Variants in CAMTA1 observed in about 807,000 individuals in gnomAD.
CAMTA1 encodes the protein calmodulin binding transcription activator 1, also known as calmodulin-binding transcription activator 1.
Under a neutral mutation model 170.9 loss-of-function variants are expected in CAMTA1, and 27 were observed. That is an observed-to-expected ratio of 0.16 (90% CI 0.12 to 0.22). The LOEUF is 0.22. CAMTA1 is among the 10% of genes least tolerant of loss of function. The pLI is 1.00. For synonymous variants in CAMTA1, 833 were observed against 891.5 expected, an observed-to-expected ratio of 0.93 and a Z score of 1.17; for missense variants, 1,619 against 2,217.2, an observed-to-expected ratio of 0.73 and a Z score of 5.42.
At chr1:7,218,823 A>AGTC (rs1387789828) in intron 4 of CAMTA1, among the ~76,000 whole-genome samples, 59 of 151,950 alleles carry the variant, frequency 3.9e-4, no homozygotes, top group African/African-American at 1.4e-3. Flanking sequence ...TGATGTTTAT[A>AGTC]GTGTCTCTTT....
At chr1:6,794,538 C>T (rs955015848) in intron 1 of CAMTA1, among the ~76,000 whole-genome samples, 1 of 152,046 alleles carries the variant, frequency 6.6e-6, no homozygotes, top group African/African-American at 2.4e-5. Flanking sequence ...CTACTTTAAG[C>T]CATATGAATG....
rs77716187 is a variant in CAMTA1, at chr1:7,570,475, G to A, written c.511-69925G>A. 2.0e-5 allele frequency among the ~76,000 whole-genome samples: 3 copies of A among 152,308 alleles called. No homozygotes were observed. The highest frequency in any genetic ancestry group is 6.5e-5 in the Admixed American group (1 of 15,306). On this transcript the variant is annotated intron_variant, in intron 6 of 22. Coordinates refer to ENST00000303635, the MANE Select transcript of CAMTA1 (RefSeq NM_015215.4). The surrounding 1 kb of genome is among the most constrained non-coding windows in gnomAD (Gnocchi z 4.3). Reference sequence around the variant, plus strand: ...GTGCCAAGGGCTGGCCCAGGATGTCGGCAGTCACCAGCAGGAGTTTGGCTG... The same window carrying A: ...GTGCCAAGGGCTGGCCCAGGATGTCAGCAGTCACCAGCAGGAGTTTGGCTG...
intron 11 of CAMTA1, among the ~76,000 whole-genome samples, chr1:7,704,976 G>A (rs1304826834): frequency 1.8e-5 from 2 of 110,514 alleles, no homozygotes; most frequent in African/African-American, 6.6e-5. Context: ...GCGGGGCGGG[G>A]GCGGGGCCGG....
chr1:7,397,414 G>T (rs1196045078), intron 5 of CAMTA1, among the ~76,000 whole-genome samples: 5 of 151,682 alleles, frequency 3.3e-5, no homozygotes, highest in South Asian at 2.1e-4. Context: ...ACAGTTTGTT[G>T]ATTTTTTTGT....
chr1:7,096,252 C>G (rs148039136), intron 4 of CAMTA1, among the ~76,000 whole-genome samples: 1 of 152,176 alleles, frequency 6.6e-6, no homozygotes, highest in Non-Finnish European at 1.5e-5. Flanking sequence ...CACTCTCCTC[C>G]TCCTGGTTTC....
In CAMTA1 at chr1:7,534,807, C is replaced by T. The variant is rs1457978820; in HGVS notation, c.510+66906C>T. Among the ~76,000 whole-genome samples, 1 of 152,198 alleles carries T rather than the reference C, an allele frequency of 6.6e-6. No individual in the cohort carries two copies. The highest frequency in any genetic ancestry group is 1.9e-4 in the East Asian group (1 of 5,194). ...AGCAGTCCTCAACTTTAGAGAAAGG[C>T]CAGCGAAAGTGAGGTTTATGGCTTG... On this transcript the variant is annotated intron_variant, in intron 6 of 22. Coordinates refer to ENST00000303635, the MANE Select transcript of CAMTA1 (RefSeq NM_015215.4). This position sits in a 1 kb window ranked among gnomAD's most constrained non-coding sequence, Gnocchi z 5.6.
At chr1:7,263,731 C>T (rs1175653901) in intron 5 of CAMTA1, among the ~76,000 whole-genome samples, 3 of 152,092 alleles carry the variant, frequency 2.0e-5, no homozygotes, top group African/African-American at 7.2e-5. Context: ...AACAAGGACA[C>T]GAATCAGAGC....
intron 5 of CAMTA1, among the ~76,000 whole-genome samples, chr1:7,319,917 C>T (rs957288217): frequency 5.3e-5 from 8 of 151,996 alleles, no homozygotes; most frequent in Non-Finnish European, 7.4e-5. Flanking sequence ...GCTGCCAATA[C>T]GGAGAAATGC....
chr1:7,727,145 CAG>C (rs1484744450), intron 11 of CAMTA1, among the ~76,000 whole-genome samples: 1 of 131,532 alleles, frequency 7.6e-6, no homozygotes, highest in Non-Finnish European at 1.6e-5. Context: ...TTTTTTGAGA[CAG>C]AGTCTCGCTC....
intron 5 of CAMTA1, among the ~76,000 whole-genome samples, chr1:7,381,148 T>TA (rs1192228674): frequency 6.6e-6 from 1 of 152,056 alleles, no homozygotes; most frequent in Non-Finnish European, 1.5e-5. Context: ...TTTTTTTATT[T>TA]TTTATTTATT....
chr1:7,716,335 T>G (rs2096609647), intron 11 of CAMTA1, among the ~76,000 whole-genome samples: 1 of 152,188 alleles, frequency 6.6e-6, no homozygotes, highest in Non-Finnish European at 1.5e-5. Context: ...CCAGCTAATA[T>G]TCTTAAGTCA....
intron 5 of CAMTA1, among the ~76,000 whole-genome samples, chr1:7,412,738 G>C (rs2090879986): frequency 6.6e-6 from 1 of 151,930 alleles, no homozygotes; most frequent in African/African-American, 2.4e-5. Flanking sequence ...TTCTTTTGCT[G>C]TGCAGAAACT....
intron 4 of CAMTA1, among the ~76,000 whole-genome samples, chr1:7,155,418 C>T (rs1238309516): frequency 1.3e-5 from 2 of 150,202 alleles, no homozygotes; most frequent in East Asian, 3.9e-4. Context: ...AAAAGAGTGG[C>T]GCCCACAGAG....
rs1310943864 is a variant in CAMTA1 at position 7,664,540 on chromosome 1, C to T, written c.1993C>T (p.Arg665Trp). 5 of 1,613,240 alleles carry T rather than the reference C, an allele frequency of 3.1e-6. No homozygotes were observed. The highest frequency in any genetic ancestry group is 1.7e-5 in the Admixed American group (1 of 60,034). ...CTCCTGCAGCGGTCACGTGGAGACGCGGATCGAGTCCACTTCCTCCCTCCA... is the reference window on the plus strand; with the variant it reads ...CTCCTGCAGCGGTCACGTGGAGACGTGGATCGAGTCCACTTCCTCCCTCCA... Reference protein sequence around the residue: ...TSSCSGHVETRIESTSSLHLM... With the variant: ...TSSCSGHVETWIESTSSLHLM... The change falls in exon 9 of 23, where the codon CGG becomes TGG. Residue 665 changes from arginine to tryptophan, a missense_variant. Physicochemically the swap from Arg to Trp is moderately radical, Grantham distance 101. This residue lies in a region of CAMTA1 where 731 missense variants were observed against 907.6 expected (regional missense o/e 0.81). Transcript: ENST00000303635.
At chr1:7,009,578 C>A (rs531520022) in intron 3 of CAMTA1, among the ~76,000 whole-genome samples, 2 of 152,184 alleles carry the variant, frequency 1.3e-5, no homozygotes, top group African/African-American at 4.8e-5. Flanking sequence ...GAAGGACCAC[C>A]GCAGCCTCAG....
chr1:7,497,192 C>T (rs1478873365), intron 6 of CAMTA1, among the ~76,000 whole-genome samples: 1 of 152,206 alleles, frequency 6.6e-6, no homozygotes, highest in Non-Finnish European at 1.5e-5. Flanking sequence ...CACACCTCCC[C>T]TGGAGATGGA....
intron 3 of CAMTA1, among the ~76,000 whole-genome samples, chr1:6,994,879 G>C (rs1466309714): frequency 1.3e-5 from 2 of 152,072 alleles, no homozygotes; most frequent in African/African-American, 4.8e-5. Flanking sequence ...TGTTGGTCAG[G>C]CTGGTCTAAA....
intron 2 of CAMTA1, among the ~76,000 whole-genome samples, chr1:6,822,073 A>G (rs960781142): frequency 1.3e-5 from 2 of 152,166 alleles, no homozygotes; most frequent in East Asian, 3.8e-4. Flanking sequence ...GATAATGATA[A>G]TGAAGTGTTT....
chr1:7,070,059 T>G (rs1638414955), intron 3 of CAMTA1, among the ~76,000 whole-genome samples: 1 of 152,152 alleles, frequency 6.6e-6, no homozygotes, highest in South Asian at 2.1e-4. Context: ...CGCAGCTCCC[T>G]CGGAAGGATG....
Sources: gnomAD v4.1 joint callset for allele counts (sites outside exome capture counted in the v4.1 genomes callset) on GRCh38, gnomAD v4.1.1 for gene constraint, gnomAD v4.1.1 regional missense constraint, Gnocchi (gnomAD v3.1) non-coding constraint, MANE v1.5 for transcripts, NCBI Gene and HGNC (gene_info 2026-07-23, HGNC 2026-07-21) for gene names.